The following YWHAQ variants were observed in gnomAD, a reference collection of about 807,000 sequenced individuals.
The protein encoded by YWHAQ is 14-3-3 protein theta.
YWHAQ carries 6 observed loss-of-function variants against 28.3 expected under a neutral mutation model. The ratio of observed to expected loss-of-function variants is 0.21; its 90% CI spans 0.12 to 0.42. YWHAQ has a LOEUF of 0.42. Among genes scored for constraint, YWHAQ ranks in the 10% least tolerant of loss-of-function variants. YWHAQ has a pLI of 1.00. For synonymous variants in YWHAQ, 143 were observed against 119.1 expected, an observed-to-expected ratio of 1.20 and a Z score of -1.31; for missense variants, 201 against 305.6, an observed-to-expected ratio of 0.66 and a Z score of 2.55.
Position 9,630,649 on chromosome 2 carries a change from T to TCTCCCCCGCCCC in YWHAQ, c.-82-127_-82-116dup, listed in dbSNP as rs1252218960. 5 of 509,596 alleles carry TCTCCCCCGCCCC rather than the reference T, an allele frequency of 9.8e-6. No homozygotes were observed. The highest frequency in any genetic ancestry group is 4.1e-5 in the African/African-American group (2 of 48,384). The allele number at this position is 509,596 out of a possible 1,614,324, so 31.6% of individuals were successfully genotyped here. A position where few individuals can be genotyped will look rare whatever the true frequency, so the allele number is the denominator to read the frequency against. On this transcript the variant is annotated intron_variant, in intron 1 of 5. Transcript: ENST00000238081. This position sits in a 1 kb window ranked among gnomAD's most constrained non-coding sequence, Gnocchi z 5.6. The stretch of plus-strand genomic sequence containing the variant: ...GCACACGCGGCCGCTTGAATTTCCC[T>TCTCCCCCGCCCC]CTCCCCCGCCCCCTCCCCCGCTGGG...
At chr2:9,588,906 C>T (rs1360308855) in intron 3 of YWHAQ, among the ~76,000 whole-genome samples, 1 of 152,078 alleles carries the variant, frequency 6.6e-6, no homozygotes, top group Non-Finnish European at 1.5e-5. Context: ...CTGAAGAGTT[C>T]AAGACCAGCC....
chr2:9,597,422 C>T (rs1206184381), intron 2 of YWHAQ, among the ~76,000 whole-genome samples: 1 of 152,044 alleles, frequency 6.6e-6, no homozygotes, highest in Admixed American at 6.6e-5. Flanking sequence ...CCGGGGTGGG[C>T]GGATCACGAG....
intron 2 of YWHAQ, among the ~76,000 whole-genome samples, chr2:9,595,862 T>TC (rs751432647): frequency 1.3e-5 from 2 of 152,138 alleles, no homozygotes; most frequent in Non-Finnish European, 2.9e-5. Flanking sequence ...AGACTGAAGG[T>TC]CCCTCTGGTG....
intron 2 of YWHAQ, among the ~76,000 whole-genome samples, chr2:9,594,231 T>C (rs1276813703): frequency 6.6e-6 from 1 of 152,186 alleles, no homozygotes; most frequent in East Asian, 1.9e-4. Flanking sequence ...TTTTTCAGAA[T>C]TTATTGTGCT....
intron 2 of YWHAQ, among the ~76,000 whole-genome samples, chr2:9,618,477 A>AT (rs961285782): frequency 2.7e-4 from 41 of 152,112 alleles, no homozygotes; most frequent in African/African-American, 9.9e-4. Flanking sequence ...ACTTTTCAAT[A>AT]TATGTGCCTA....
chr2:9,608,158 G>T (rs1172545528), intron 2 of YWHAQ, among the ~76,000 whole-genome samples: 3 of 152,164 alleles, frequency 2.0e-5, no homozygotes, highest in Middle Eastern at 6.3e-3. Context: ...GCAACACAGT[G>T]AGACTGAGCT....
chr2:9,610,759 C>T (rs921519809), intron 2 of YWHAQ, among the ~76,000 whole-genome samples: 2 of 152,154 alleles, frequency 1.3e-5, no homozygotes, highest in African/African-American at 4.8e-5. Context: ...CCGTCTGCCT[C>T]GGCCTCGGAA....
chr2:9,630,541 A>AG lies in YWHAQ; in HGVS notation c.-82-8dup, dbSNP rs1208779860. 3.1e-6 allele frequency: 4 copies of AG among 1,307,750 alleles called. No individual in the cohort carries two copies. In the African/African-American group the frequency reaches 6.0e-5, roughly 20 times the overall value. The allele number at this position is 1,307,750 out of a possible 1,614,324, so 81.0% of individuals were successfully genotyped here. ...GCGGGAGGAGCCTCGAGAGCTGCGGAGGGGCGGGGCGGCGAGGCGAGAACA... is the reference window on the plus strand; with the variant it reads ...GCGGGAGGAGCCTCGAGAGCTGCGGAGGGGGCGGGGCGGCGAGGCGAGAACA... On this transcript the variant is annotated splice_polypyrimidine_tract_variant and splice_region_variant and intron_variant, in intron 1 of 5. Transcript: ENST00000238081. This position sits in a 1 kb window ranked among gnomAD's most constrained non-coding sequence, Gnocchi z 5.6.
At chr2:9,606,492 T>C (rs539343775) in intron 2 of YWHAQ, among the ~76,000 whole-genome samples, 1 of 152,300 alleles carries the variant, frequency 6.6e-6, no homozygotes, top group South Asian at 2.1e-4. Flanking sequence ...ATTAGCATTT[T>C]TCCTTATCAT....
In YWHAQ at chr2:9,630,462, G is replaced by GGGGCC; in HGVS notation, c.-15_-11dup. On this transcript the variant is annotated 5_prime_UTR_variant, in exon 2 of 6. Coordinates refer to ENST00000238081, the MANE Select transcript of YWHAQ (RefSeq NM_006826.4). This position sits in a 1 kb window ranked among gnomAD's most constrained non-coding sequence, Gnocchi z 5.6. ...GCTCAGTCTTCTCCATGGCGGGCGC[G>GGGGCC]GGGCCGGGGCCGGGGCGGAGGGCGA... is the stretch of plus-strand genomic sequence containing the variant. The GGGGCC allele has an allele frequency of 6.4e-7, 1 of 1,574,766 alleles. No homozygotes were observed. Among genetic ancestry groups the GGGGCC allele is most frequent in the Non-Finnish European group, 8.6e-7 (1 of 1,162,698 alleles).
Position 9,630,933 on chromosome 2 carries a change from G to C in YWHAQ, c.-83+8C>G, listed in dbSNP as rs888712334. 1 of 152,752 alleles carries C rather than the reference G, an allele frequency of 6.5e-6. No individual in the cohort carries two copies. Among genetic ancestry groups the C allele is most frequent in the Non-Finnish European group, 1.5e-5 (1 of 68,166 alleles). 9.5% of individuals were successfully genotyped at this position (152,752 alleles called of 1,614,324 possible). ...GGAGGAAGCCCGCGGGCCGACCCAG[G>C]CGCTCACCTTCACGTCTCCGCGGCC... On this transcript the variant is annotated splice_region_variant and intron_variant, in intron 1 of 5. Coordinates refer to ENST00000238081, the MANE Select transcript of YWHAQ (RefSeq NM_006826.4). This position sits in a 1 kb window ranked among gnomAD's most constrained non-coding sequence, Gnocchi z 5.6.
rs1667353460 is a variant in YWHAQ, at chr2:9,630,628, A to T, written c.-82-94T>A. On this transcript the variant is annotated intron_variant, in intron 1 of 5. Transcript: ENST00000238081. This position sits in a 1 kb window ranked among gnomAD's most constrained non-coding sequence, Gnocchi z 5.6. ...CGCCGCCCGCTTTTGTCTCCCGCAC[A>T]CGCGGCCGCTTGAATTTCCCTCTCC... 5.1e-6 allele frequency: 3 copies of T among 584,038 alleles called. No individual in the cohort carries two copies. Among genetic ancestry groups the T allele is most frequent in the Non-Finnish European group, 8.4e-6 (3 of 356,166 alleles). 36.2% of individuals were successfully genotyped at this position (584,038 alleles called of 1,614,324 possible).
chr2:9,589,383 A>C (rs1341247336), intron 3 of YWHAQ, among the ~76,000 whole-genome samples: 1 of 152,170 alleles, frequency 6.6e-6, no homozygotes, highest in Admixed American at 6.5e-5. Flanking sequence ...TGGAGGTACA[A>C]GACCAGCCTT....
intron 2 of YWHAQ, among the ~76,000 whole-genome samples, chr2:9,601,595 A>C (rs1666694380): frequency 6.6e-6 from 1 of 152,210 alleles, no homozygotes; most frequent in South Asian, 2.1e-4. Context: ...CCTTAGGCAT[A>C]CACTGAGAAC....
intron 2 of YWHAQ, among the ~76,000 whole-genome samples, chr2:9,594,734 T>C (rs1219979152): frequency 1.3e-5 from 2 of 152,220 alleles, no homozygotes; most frequent in Non-Finnish European, 2.9e-5. Flanking sequence ...CTTTAAGACC[T>C]AGTGCTCTGT....
At position 9,630,405 on chromosome 2, in the gene YWHAQ, G is replaced by A. The variant is rs1667340159; in HGVS notation, c.48C>T (p.Ala16=). 1 of 1,613,388 alleles carries A rather than the reference G, an allele frequency of 6.2e-7. No homozygotes were observed. Among genetic ancestry groups the A allele is most frequent in the Non-Finnish European group, 8.5e-7 (1 of 1,179,992 alleles). The part of the protein sequence containing the change: ...LIQKAKLAEQ[A]ERYDDMATCM... ...AGGTGGCCATGTCGTCGTAGCGCTC[G>A]GCCTGCTCGGCCAGCTTGGCCTTCT... Residue 16 remains alanine (A), a synonymous_variant, in exon 2 of 6, where the codon GCC becomes GCT. Transcript: ENST00000238081. The surrounding 1 kb of genome is among the most constrained non-coding windows in gnomAD (Gnocchi z 5.6).
intron 2 of YWHAQ, among the ~76,000 whole-genome samples, chr2:9,624,749 C>T (rs1328860980): frequency 6.6e-6 from 1 of 151,804 alleles, no homozygotes; most frequent in African/African-American, 2.4e-5. Flanking sequence ...TTCTATTTCA[C>T]TCTTTTTTTT....
chr2:9,605,856 C>T (rs1254450471), intron 2 of YWHAQ, among the ~76,000 whole-genome samples: 1 of 152,146 alleles, frequency 6.6e-6, no homozygotes, highest in Non-Finnish European at 1.5e-5. Flanking sequence ...GCCACCGCGC[C>T]CAGCCTCTTG....
intron 2 of YWHAQ, among the ~76,000 whole-genome samples, chr2:9,596,222 A>G (rs1306178787): frequency 6.8e-6 from 1 of 147,194 alleles, no homozygotes; most frequent in Non-Finnish European, 1.5e-5. Flanking sequence ...CCCCACCCCC[A>G]TATCTTAGGA....
Sources: gnomAD v4.1 joint callset for allele counts (sites outside exome capture counted in the v4.1 genomes callset) on GRCh38, gnomAD v4.1.1 for gene constraint, Gnocchi (gnomAD v3.1) non-coding constraint, MANE v1.5 for transcripts, NCBI Gene and HGNC (gene_info 2026-07-23, HGNC 2026-07-21) for gene names.